BEND7: variants seen among roughly 807,000 people sequenced by gnomAD.
BEND7 encodes BEN domain containing 7.
A neutral mutation model predicts 50.9 loss-of-function variants in BEND7; 28 were observed. The observed-to-expected ratio is 0.55, with a 90% CI of 0.41 to 0.75. BEND7 has a LOEUF of 0.75. Ranked by LOEUF, BEND7 falls within the 30% of genes least tolerant of loss-of-function variation. The probability of loss-of-function intolerance (pLI) is 0.00; values close to 1 mark genes in which losing one functional copy is unlikely to be tolerated. For missense variants in BEND7, 477 were observed against 491.3 expected (o/e 0.97, Z 0.28); for synonymous variants, 170 against 183.9 (o/e 0.92, Z 0.61).
At chr10:13,495,164 T>C (rs529028789) in intron 4 of BEND7, among the ~76,000 whole-genome samples, 5 of 152,358 alleles carry the variant, frequency 3.3e-5, no homozygotes, top group Admixed American at 1.3e-4. Context: ...ATGCATATTT[T>C]CTTAAGTGCT....
chr10:13,517,442 T>A (rs982741327), intron 2 of BEND7, among the ~76,000 whole-genome samples: 13 of 152,080 alleles, frequency 8.5e-5, no homozygotes, highest in Non-Finnish European at 1.3e-4. Flanking sequence ...TCAGCTGTCA[T>A]GCTAGGGAGT....
rs35791494 is a variant in BEND7, at chr10:13,465,884, CGTGT to C, written c.1064-13230_1064-13227del. ...AGGCCACAGCTATCTCTCTCTCTCT[CGTGT>C]GTGTGTGTGTGTGTGGTGGCAGGGG... is the stretch of plus-strand genomic sequence containing the variant. On this transcript the variant is annotated intron_variant, in intron 6 of 8. Coordinates refer to ENST00000466271, the MANE Select transcript of BEND7 (RefSeq NM_001369863.1). 3.2e-3 allele frequency among the ~76,000 whole-genome samples: 481 copies of C among 149,944 alleles called. 4 individuals are homozygous for C. The highest frequency in any genetic ancestry group is 0.011 in the African/African-American group (454 of 40,878).
intron 2 of BEND7, among the ~76,000 whole-genome samples, chr10:13,524,520 T>C (rs1233081773): frequency 6.6e-6 from 1 of 151,840 alleles, no homozygotes; most frequent in Non-Finnish European, 1.5e-5. Context: ...GGCAGGTGCT[T>C]GTAATCCCAG....
At chr10:13,514,595 C>T (rs919167605) in intron 2 of BEND7, among the ~76,000 whole-genome samples, 5 of 152,148 alleles carry the variant, frequency 3.3e-5, no homozygotes, top group Admixed American at 6.5e-5. Flanking sequence ...GAAGTTGGGT[C>T]GGACGTGGGC....
At chr10:13,515,336 G>C (rs573949462) in intron 2 of BEND7, among the ~76,000 whole-genome samples, 2 of 152,252 alleles carry the variant, frequency 1.3e-5, no homozygotes, top group African/African-American at 4.8e-5. Flanking sequence ...CACACATTTG[G>C]TTACCAGATA....
At chr10:13,491,367 G>A (rs2076647704) in intron 5 of BEND7, among the ~76,000 whole-genome samples, 1 of 149,618 alleles carries the variant, frequency 6.7e-6, no homozygotes, top group South Asian at 2.1e-4. Flanking sequence ...TGTACTTTGT[G>A]TTGAGGAATA....
chr10:13,511,472 T>C (rs567917822), intron 2 of BEND7, among the ~76,000 whole-genome samples: 1 of 152,286 alleles, frequency 6.6e-6, no homozygotes, highest in African/African-American at 2.4e-5. Context: ...AGGCAACTGG[T>C]AGATGTAGCT....
At chr10:13,439,017 A>C (rs1236892124), downstream of BEND7, 1 of 735,688 alleles carries the variant, frequency 1.4e-6, no homozygotes, top group Non-Finnish European at 2.2e-6. Flanking sequence ...CTCAGGTCCA[A>C]CTTTAATCAG....
chr10:13,480,760 G>A (rs1236727681), intron 6 of BEND7, 139 bp downstream of exon 6: 14 of 1,481,506 alleles, frequency 9.4e-6, no homozygotes, highest in Admixed American at 4.9e-5. Context: ...GCTCACACCC[G>A]AAAGCCATGT....
intron 2 of BEND7, chr10:13,500,379 G>T: frequency 1.9e-6 from 1 of 513,270 alleles, no homozygotes; most frequent in Non-Finnish European, 2.8e-6. Flanking sequence ...AGCATTTTCT[G>T]AATGAGTAGG....
chr10:13,491,123 T>C (rs1156368925), intron 5 of BEND7, among the ~76,000 whole-genome samples: 2 of 152,078 alleles, frequency 1.3e-5, no homozygotes, highest in Non-Finnish European at 2.9e-5. Context: ...TTTAGAAGCA[T>C]GTTATTCTTC....
At position 13,441,451 on chromosome 10, in the gene BEND7, ATCTTTGGGTTG is replaced by A; in HGVS notation, c.*281_*291del. 1 of 1,264,088 alleles carries A rather than the reference ATCTTTGGGTTG, an allele frequency of 7.9e-7. No individual in the cohort carries two copies. Among genetic ancestry groups the A allele is most frequent in the Non-Finnish European group, 9.9e-7 (1 of 1,005,702 alleles). The allele number at this position is 1,264,088 out of a possible 1,614,324, so 78.3% of individuals were successfully genotyped here. ...GTGTGTAGATCCGTTCATCGCACAC[ATCTTTGGGTTG>A]AACAAGCTCCACCCGTCCTCAAGTG... is the stretch of plus-strand genomic sequence containing the variant. On this transcript the variant is annotated 3_prime_UTR_variant, in exon 9 of 9. Transcript: ENST00000466271.
At chr10:13,444,935 C>G (rs1835971935) in intron 8 of BEND7, 1 of 152,206 alleles carries the variant, frequency 6.6e-6, no homozygotes, top group Non-Finnish European at 1.5e-5. Flanking sequence ...CTGCCTCAGC[C>G]TCCTGAGTAG....
At chr10:13,513,343 G>A (rs761138574) in intron 2 of BEND7, among the ~76,000 whole-genome samples, 14 of 152,202 alleles carry the variant, frequency 9.2e-5, no homozygotes, top group South Asian at 6.2e-4. Flanking sequence ...TGCACAAGAG[G>A]ACTCCAGCCC....
chr10:13,480,998 C>A lies in BEND7; in HGVS notation c.964G>T (p.Asp322Tyr). ...FRKLVCAFFD[D>Y]KTLANSLPNG... ...GGTAAGGAGTTAGCCAAAGTCTTGTCATCAAAAAACGCACACACCAGTTTT... is the reference window on the plus strand; with the variant it reads ...GGTAAGGAGTTAGCCAAAGTCTTGTAATCAAAAAACGCACACACCAGTTTT... Residue 322 changes from aspartate to tyrosine, a missense_variant, in exon 6 of 9, where the codon GAC becomes TAC. Asp to Tyr is a radical substitution (Grantham distance 160, BLOSUM62 -3). This residue lies in a region of BEND7 where 396 missense variants were observed against 384.2 expected (regional missense o/e 1.03). Transcript: ENST00000466271. 1 of 1,614,106 alleles carries A rather than the reference C, an allele frequency of 6.2e-7. No homozygotes were observed. Among genetic ancestry groups the A allele is most frequent in the Non-Finnish European group, 8.5e-7 (1 of 1,180,026 alleles).
chr10:13,459,060 T>A (rs1839650833), intron 6 of BEND7, among the ~76,000 whole-genome samples: 1 of 152,190 alleles, frequency 6.6e-6, no homozygotes. Context: ...TCCACATAAA[T>A]GACTTACGTT....
intron 5 of BEND7, among the ~76,000 whole-genome samples, chr10:13,489,375 C>T (rs545860157): frequency 2.9e-4 from 44 of 152,214 alleles, no homozygotes; most frequent in Non-Finnish European, 4.6e-4. Flanking sequence ...ACTGAGTGTT[C>T]GTCACACACA....
chr10:13,461,389 G>T (rs777938785), intron 6 of BEND7, among the ~76,000 whole-genome samples: 1 of 152,140 alleles, frequency 6.6e-6, no homozygotes, highest in African/African-American at 2.4e-5. Context: ...GGGAGGCAAC[G>T]AGCAAGCTCT....
At chr10:13,461,207 G>C (rs1172819697) in intron 6 of BEND7, among the ~76,000 whole-genome samples, 1 of 152,192 alleles carries the variant, frequency 6.6e-6, no homozygotes, top group African/African-American at 2.4e-5. Flanking sequence ...GCATTCCAAA[G>C]GCACAGCCTG....
Sources: gnomAD v4.1 joint callset for allele counts (sites outside exome capture counted in the v4.1 genomes callset) on GRCh38, gnomAD v4.1.1 for gene constraint, gnomAD v4.1.1 regional missense constraint, MANE v1.5 for transcripts, NCBI Gene and HGNC (gene_info 2026-07-23, HGNC 2026-07-21) for gene names.